The following XKR9 variants were observed in gnomAD, a reference collection of about 807,000 sequenced individuals.
The protein encoded by XKR9 is XK-related protein 9.
A neutral mutation model predicts 32.0 loss-of-function variants in XKR9; 32 were observed. That is an observed-to-expected ratio of 1.00 (90% CI 0.76 to 1.34). The LOEUF is 1.34. Among genes scored for constraint, XKR9 ranks in the 40% most tolerant of loss-of-function variants. The pLI, the probability that XKR9 is intolerant of heterozygous loss-of-function variation, is 0.00. For missense variants in XKR9, 546 were observed against 429.7 expected, an observed-to-expected ratio of 1.27 and a Z score of -2.39; for synonymous variants, 168 against 143.4, an observed-to-expected ratio of 1.17 and a Z score of -1.22.
chr8:70,822,917 T>A, the XKR9 span, among the ~76,000 whole-genome samples: 3 of 152,198 alleles, frequency 2.0e-5, no homozygotes, highest in Admixed American at 2.0e-4. Context: ...TTATAAATAA[T>A]CTTAAAGTCA....
chr8:70,766,980 G>A (rs2130222414), intron 2 of XKR9, among the ~76,000 whole-genome samples: 1 of 152,278 alleles, frequency 6.6e-6, no homozygotes, highest in South Asian at 2.1e-4. Context: ...TTTTTGATGT[G>A]CTGCTGGATA....
chr8:70,923,798 G>T, the XKR9 span, among the ~76,000 whole-genome samples: 1 of 152,116 alleles, frequency 6.6e-6, no homozygotes, highest in Non-Finnish European at 1.5e-5. Context: ...AGGCTCTTAT[G>T]TCTGTATTTC....
At chr8:70,728,411 C>G (rs1022197056) in intron 4 of XKR9, among the ~76,000 whole-genome samples, 1 of 152,172 alleles carries the variant, frequency 6.6e-6, no homozygotes, top group Non-Finnish European at 1.5e-5. Context: ...CATACTCACA[C>G]AGGGCAGGCT....
chr8:70,898,170 T>C, the XKR9 span, among the ~76,000 whole-genome samples: 1 of 152,188 alleles, frequency 6.6e-6, no homozygotes, highest in Non-Finnish European at 1.5e-5. Context: ...GAAGAGACTA[T>C]CCTTTCTCCA....
chr8:70,830,495 G>C, the XKR9 span, among the ~76,000 whole-genome samples: 1 of 152,136 alleles, frequency 6.6e-6, no homozygotes, highest in East Asian at 1.9e-4. Context: ...GCTGAGGTGG[G>C]AAGATCACTT....
chr8:71,019,972 C>G, the XKR9 span, among the ~76,000 whole-genome samples: 4 of 152,126 alleles, frequency 2.6e-5, no homozygotes, highest in African/African-American at 9.7e-5. Flanking sequence ...AGGCAGGGTA[C>G]TATTTTTATG....
At chr8:70,726,671 C>A (rs182765761) in intron 4 of XKR9, among the ~76,000 whole-genome samples, 1 of 152,154 alleles carries the variant, frequency 6.6e-6, no homozygotes, top group African/African-American at 2.4e-5. Flanking sequence ...GTGGTCCAGT[C>A]AAAGCAAGAG....
intron 4 of XKR9, among the ~76,000 whole-genome samples, chr8:70,715,770 C>A (rs917740818): frequency 2.0e-5 from 3 of 151,888 alleles, no homozygotes; most frequent in Non-Finnish European, 4.4e-5. Context: ...AAATTTTTAA[C>A]CTTAACAGTG....
chr8:70,690,400 G>A (rs1819470551), intron 3 of XKR9, among the ~76,000 whole-genome samples: 1 of 151,960 alleles, frequency 6.6e-6, no homozygotes. Flanking sequence ...CATGATCTTG[G>A]ATCACTGCAA....
chr8:70,864,079 G>A, the XKR9 span, among the ~76,000 whole-genome samples: 11 of 152,142 alleles, frequency 7.2e-5, no homozygotes, highest in Non-Finnish European at 4.4e-5. Context: ...AGAAATTGAA[G>A]AGGATTTGCC....
At chr8:70,917,706 T>C in the XKR9 span, among the ~76,000 whole-genome samples, 1 of 152,344 alleles carries the variant, frequency 6.6e-6, no homozygotes, top group Non-Finnish European at 1.5e-5. Context: ...GTCGTAATCT[T>C]TAAAAGTGTA....
intron 3 of XKR9, among the ~76,000 whole-genome samples, chr8:70,694,474 G>T (rs1805191455): frequency 6.6e-6 from 1 of 152,154 alleles, no homozygotes; most frequent in Non-Finnish European, 1.5e-5. Flanking sequence ...TGGTTGGGAG[G>T]TCCTGCCCAG....
the XKR9 span, among the ~76,000 whole-genome samples, chr8:70,854,777 G>A: frequency 6.6e-6 from 1 of 152,142 alleles, no homozygotes; most frequent in Admixed American, 6.6e-5. Flanking sequence ...TATTAAATAG[G>A]AATCCTTTCC....
chr8:70,860,539 A>G, the XKR9 span, among the ~76,000 whole-genome samples: 5 of 152,042 alleles, frequency 3.3e-5, no homozygotes, highest in Admixed American at 2.0e-4. Context: ...CTTAATTTAT[A>G]ATATTCATTT....
chr8:70,970,150 G>A, the XKR9 span, among the ~76,000 whole-genome samples: 1 of 152,048 alleles, frequency 6.6e-6, no homozygotes. Context: ...TTGATTGATG[G>A]GCATTTGGGT....
chr8:70,967,802 T>C, the XKR9 span, among the ~76,000 whole-genome samples: 48,420 of 151,964 alleles, frequency 0.32, 9,055 homozygotes, highest in Non-Finnish European at 0.43. Flanking sequence ...GCTTATAGGT[T>C]CACTGTTAGT....
At chr8:70,912,718 T>A in the XKR9 span, among the ~76,000 whole-genome samples, 1 of 152,010 alleles carries the variant, frequency 6.6e-6, no homozygotes, top group Non-Finnish European at 1.5e-5. Flanking sequence ...CGCAGACTGA[T>A]GTCACCTAGG....
chr8:70,831,135 AC>A, the XKR9 span, among the ~76,000 whole-genome samples: 1 of 152,068 alleles, frequency 6.6e-6, no homozygotes. Flanking sequence ...TACTAAAAAT[AC>A]GAAAATTAGC....
intron 2 of XKR9, among the ~76,000 whole-genome samples, chr8:70,760,114 A>G (rs1220471894): frequency 6.6e-6 from 1 of 152,222 alleles, no homozygotes; most frequent in African/African-American, 2.4e-5. Flanking sequence ...TTCAGTTATC[A>G]AATTAGCGTA....
Sources: allele counts gnomAD v4.1 joint callset (sites outside exome capture counted in the v4.1 genomes callset), GRCh38; gene constraint gnomAD v4.1.1; transcripts MANE v1.5; gene names NCBI Gene and HGNC (gene_info 2026-07-23, HGNC 2026-07-21).